DOK6: variants seen among roughly 807,000 people sequenced by gnomAD.
DOK6 encodes the protein docking protein 6, also known as downstream of tyrosine kinase 6.
In DOK6, 22 loss-of-function variants were observed where a neutral mutation model predicts 44.0. The ratio of observed to expected loss-of-function variants is 0.50; its 90% confidence interval spans 0.36 to 0.71. The LOEUF is 0.71. Among genes scored for constraint, DOK6 ranks in the 30% least tolerant of loss-of-function variants. The pLI is 0.00. For missense variants in DOK6, 340 were observed against 416.4 expected, an observed-to-expected ratio of 0.82 and a Z score of 1.60; for synonymous variants, 166 against 145.5, an observed-to-expected ratio of 1.14 and a Z score of -1.01.
chr18:69,447,292 C>G (rs1278039171), intron 1 of DOK6, among the ~76,000 whole-genome samples: 2 of 152,156 alleles, frequency 1.3e-5, no homozygotes, highest in Non-Finnish European at 2.9e-5. Flanking sequence ...GTTTTCCTAG[C>G]ACCATTTATT....
intron 1 of DOK6, among the ~76,000 whole-genome samples, chr18:69,406,613 T>A (rs1427466930): frequency 6.6e-6 from 1 of 152,208 alleles, no homozygotes; most frequent in East Asian, 1.9e-4. Context: ...AAGATAATAC[T>A]CAGTACTTAA....
intron 1 of DOK6, among the ~76,000 whole-genome samples, chr18:69,542,543 A>T (rs1017512): frequency 6.6e-6 from 1 of 151,482 alleles, no homozygotes; most frequent in East Asian, 1.9e-4. Context: ...CTCCAAGTCC[A>T]GTTACGTAGC....
At chr18:69,685,245 C>A (rs1248939140) in intron 4 of DOK6, among the ~76,000 whole-genome samples, 1 of 151,632 alleles carries the variant, frequency 6.6e-6, no homozygotes, top group Non-Finnish European at 1.5e-5. Flanking sequence ...TCCTGCTGTA[C>A]TAAAACAAAA....
intron 7 of DOK6, among the ~76,000 whole-genome samples, chr18:69,766,389 TAAAAG>T (rs1412054536): frequency 6.6e-6 from 1 of 152,120 alleles, no homozygotes; most frequent in Admixed American, 6.6e-5. Flanking sequence ...CCACTGAATC[TAAAAG>T]AAAAGTCGAA....
intron 7 of DOK6, among the ~76,000 whole-genome samples, chr18:69,764,555 C>T (rs1420873283): frequency 1.3e-5 from 2 of 152,086 alleles, no homozygotes; most frequent in Admixed American, 6.6e-5. Context: ...CCTGCCACCA[C>T]GTGAAGAAGG....
chr18:69,813,119 A>G (rs1981292933), intron 7 of DOK6, among the ~76,000 whole-genome samples: 1 of 152,148 alleles, frequency 6.6e-6, no homozygotes, highest in South Asian at 2.1e-4. Context: ...CTTCATGCCT[A>G]CCTGACTTCC....
chr18:69,810,030 T>A (rs1981175767), intron 7 of DOK6, among the ~76,000 whole-genome samples: 1 of 151,948 alleles, frequency 6.6e-6, no homozygotes, highest in South Asian at 2.1e-4. Flanking sequence ...GCCAAAGTAA[T>A]GTTGAACAAA....
intron 5 of DOK6, among the ~76,000 whole-genome samples, chr18:69,725,643 A>C (rs1435526657): frequency 6.6e-6 from 1 of 152,054 alleles, no homozygotes; most frequent in Non-Finnish European, 1.5e-5. Flanking sequence ...GTGAGCCACC[A>C]CATCCAGCCA....
chr18:69,591,281 T>C (rs1320691592), intron 2 of DOK6, among the ~76,000 whole-genome samples: 4 of 152,138 alleles, frequency 2.6e-5, no homozygotes, highest in African/African-American at 9.7e-5. Context: ...TATACTGATA[T>C]GGGATGGCTG....
At chr18:69,649,190 A>G (rs1428628501) in intron 3 of DOK6, among the ~76,000 whole-genome samples, 4 of 152,204 alleles carry the variant, frequency 2.6e-5, no homozygotes, top group African/African-American at 4.8e-5. Context: ...CACTAATCCA[A>G]TTTAAAAGGC....
At chr18:69,549,788 T>TCTAC (rs1982511391) in intron 1 of DOK6, among the ~76,000 whole-genome samples, 1 of 151,334 alleles carries the variant, frequency 6.6e-6, no homozygotes, top group Non-Finnish European at 1.5e-5. Context: ...TTATAGTCTG[T>TCTAC]AGAGCTTAAT....
At chr18:69,549,107 A>AAAG (rs1409938864) in intron 1 of DOK6, among the ~76,000 whole-genome samples, 1 of 149,568 alleles carries the variant, frequency 6.7e-6, no homozygotes, top group East Asian at 1.9e-4. Flanking sequence ...AAAAAAAAAA[A>AAAG]ACAACAACAA....
At chr18:69,784,892 T>A (rs774953217) in intron 7 of DOK6, among the ~76,000 whole-genome samples, 2 of 152,198 alleles carry the variant, frequency 1.3e-5, no homozygotes, top group Non-Finnish European at 2.9e-5. Context: ...TCATTATAAA[T>A]CTCAAAGTCA....
Position 69,686,994 on chromosome 18 carries a change from AAAT to A in DOK6, c.409+9146_409+9148del, listed in dbSNP as rs540569791. On this transcript the variant is annotated intron_variant, in intron 4 of 7. Coordinates refer to ENST00000382713, the MANE Select transcript of DOK6 (RefSeq NM_152721.6). ...AAGTTATATCAGACACTTAAATAAG[AAAT>A]AATACTAATGCTATGCAAAACTATT... Among the ~76,000 whole-genome samples, 980 of 152,318 alleles carry A rather than the reference AAAT, an allele frequency of 6.4e-3. 6 individuals carry two copies. Among genetic ancestry groups the A allele is most frequent in the African/African-American group, 0.022 (908 of 41,570 alleles).
chr18:69,621,898 T>C (rs992101735), intron 3 of DOK6, among the ~76,000 whole-genome samples: 2 of 152,202 alleles, frequency 1.3e-5, no homozygotes, highest in African/African-American at 4.8e-5. Flanking sequence ...TCTTACAGTG[T>C]TTTTAAAATA....
chr18:69,844,236 C>T lies in DOK6; in HGVS notation c.*2853C>T, dbSNP rs528303568. ...AATGCGAGGGAGGAATTACTATGAA[C>T]CAAAGATATCTTTTGGCTCCTTCTG... On this transcript the variant is annotated 3_prime_UTR_variant, in exon 8 of 8. Coordinates refer to ENST00000382713, the MANE Select transcript of DOK6 (RefSeq NM_152721.6). 2.0e-5 allele frequency: 3 copies of T among 152,208 alleles called. No individual in the cohort carries two copies. The highest frequency in any genetic ancestry group is 2.1e-4 in the South Asian group (1 of 4,822). 9.4% of individuals were successfully genotyped at this position (152,208 alleles called of 1,614,324 possible).
chr18:69,496,750 T>A (rs1356927354), intron 1 of DOK6, among the ~76,000 whole-genome samples: 3 of 152,210 alleles, frequency 2.0e-5, no homozygotes, highest in Admixed American at 2.0e-4. Flanking sequence ...ATAGCACATA[T>A]CATATCACAT....
At chr18:69,540,272 G>C (rs1411285456) in intron 1 of DOK6, among the ~76,000 whole-genome samples, 1 of 152,066 alleles carries the variant, frequency 6.6e-6, no homozygotes, top group Non-Finnish European at 1.5e-5. Context: ...CCTCTTTCTA[G>C]ATTTTCTTTG....
chr18:69,588,345 T>C (rs1265130091), intron 2 of DOK6, among the ~76,000 whole-genome samples: 1 of 152,210 alleles, frequency 6.6e-6, no homozygotes, highest in Admixed American at 6.5e-5. Context: ...ATTCGGTAAC[T>C]CTTGCTAAAC....
Sources: allele counts gnomAD v4.1 joint callset (sites outside exome capture counted in the v4.1 genomes callset), GRCh38; gene constraint gnomAD v4.1.1; transcripts MANE v1.5; gene names NCBI Gene and HGNC (gene_info 2026-07-23, HGNC 2026-07-21).